Variants in COG5 observed in about 807,000 individuals in gnomAD.
COG5 encodes component of oligomeric golgi complex 5.
COG5 carries 86 observed loss-of-function variants against 110.4 expected under a neutral mutation model. The observed-to-expected ratio is 0.78, with a 90% CI of 0.65 to 0.93. COG5 has a LOEUF of 0.93. COG5 is among the 40% of genes least tolerant of loss of function. The probability of loss-of-function intolerance (pLI) is 0.00; values close to 1 mark genes in which losing one functional copy is unlikely to be tolerated. For missense variants in COG5, 1,077 were observed against 987.0 expected, an observed-to-expected ratio of 1.09 and a Z score of -1.22; for synonymous variants, 360 against 334.6, an observed-to-expected ratio of 1.08 and a Z score of -0.83.
chr7:107,230,777 C>T (rs1422726950), intron 18 of COG5, 86 bp from the exon 19 acceptor site: 2 of 1,055,324 alleles, frequency 1.9e-6, no homozygotes, highest in South Asian at 1.3e-5. Context: ...AAAGTTGTAG[C>T]TTGCAGTAAA....
chr7:107,387,994 T>C (rs1382527498), intron 7 of COG5, among the ~76,000 whole-genome samples: 6 of 152,256 alleles, frequency 3.9e-5, no homozygotes, highest in South Asian at 2.1e-4. Flanking sequence ...GCCTGGCCCA[T>C]TGGCTTATGG....
At chr7:107,346,116 A>C (rs558242852) in intron 10 of COG5, among the ~76,000 whole-genome samples, 1 of 152,208 alleles carries the variant, frequency 6.6e-6, no homozygotes, top group Admixed American at 6.5e-5. Context: ...TGAAAAATTC[A>C]TAACTGATTG....
rs927055005 is a variant in COG5 at position 107,203,250 on chromosome 7, A to T, written c.*266T>A. ...AGGAGGACTTGGTTATGGATGGGAA[A>T]GACATTTTAGCCTTGTACAAAAATC... is the stretch of plus-strand genomic sequence containing the variant. On this transcript the variant is annotated 3_prime_UTR_variant, in exon 22 of 22. Coordinates refer to ENST00000297135, the MANE Select transcript of COG5 (RefSeq NM_006348.5). The T allele has an allele frequency of 9.2e-5, 44 of 479,382 alleles. No individual in the cohort carries two copies. Among genetic ancestry groups the T allele is most frequent in the Non-Finnish European group, 1.5e-5 (4 of 263,710 alleles). 29.7% of individuals were successfully genotyped at this position (479,382 alleles called of 1,614,324 possible).
In COG5 at chr7:107,360,741, G is replaced by A. The variant is rs574919333; in HGVS notation, c.1026+1292C>T. On this transcript the variant is annotated intron_variant, in intron 10 of 21. Coordinates refer to ENST00000297135, the MANE Select transcript of COG5 (RefSeq NM_006348.5). Reference sequence around the variant, plus strand: ...GCTGCCTGCCCTGCCACAGCAGCCAGTGTGCCTGGCTGTGCACAGTGGCTG... The same window carrying A: ...GCTGCCTGCCCTGCCACAGCAGCCAATGTGCCTGGCTGTGCACAGTGGCTG... Among the ~76,000 whole-genome samples, 885 of 152,352 alleles carry A rather than the reference G, an allele frequency of 5.8e-3. 11 individuals are homozygous for A. The highest frequency in any genetic ancestry group is 0.02 in the African/African-American group (851 of 41,574).
At position 107,526,082 on chromosome 7, in the gene COG5, C is replaced by CA. The variant is rs562074848; in HGVS notation, c.538+1154dup. On this transcript the variant is annotated intron_variant, in intron 6 of 21. Coordinates refer to ENST00000297135, the MANE Select transcript of COG5 (RefSeq NM_006348.5). ...TTACAGCATAGCATGACTATATAAT[C>CA]AAAAAATCAAAGACAGGAAAATTCA... 1.4e-3 allele frequency among the ~76,000 whole-genome samples: 218 copies of CA among 152,198 alleles called. 2 individuals carry two copies. Among genetic ancestry groups the CA allele is most frequent in the African/African-American group, 5.1e-3 (210 of 41,520 alleles).
intron 11 of COG5, among the ~76,000 whole-genome samples, chr7:107,310,014 G>C (rs1370704322): frequency 1.3e-5 from 2 of 152,148 alleles, no homozygotes; most frequent in Non-Finnish European, 2.9e-5. Flanking sequence ...GTAAACAAAA[G>C]TGTACTATAC....
chr7:107,295,093 A>T (rs1482476664), intron 12 of COG5, among the ~76,000 whole-genome samples: 1 of 77,162 alleles, frequency 1.3e-5, no homozygotes, highest in African/African-American at 5.2e-5. Flanking sequence ...ATATATATAT[A>T]TATATATATT....
chr7:107,381,694 C>T (rs531553345), intron 7 of COG5, among the ~76,000 whole-genome samples: 8 of 152,126 alleles, frequency 5.3e-5, no homozygotes, highest in Admixed American at 1.3e-4. Context: ...ACAAGACTCA[C>T]GAAGAGCTAA....
rs148251297 is a variant in COG5 at position 107,235,273 on chromosome 7, C to T, written c.2091+1177G>A. Among the ~76,000 whole-genome samples, 564 of 152,340 alleles carry T rather than the reference C, an allele frequency of 3.7e-3. 2 individuals are homozygous for T. The highest frequency in any genetic ancestry group is 7.1e-3 in the Admixed American group (108 of 15,302). On this transcript the variant is annotated intron_variant, in intron 18 of 21. Transcript: ENST00000297135. ...TGTAGAAATAATGAAGCAAGACACACTCCCGGATACACACAAGAATAAATA... is the reference window on the plus strand; with the variant it reads ...TGTAGAAATAATGAAGCAAGACACATTCCCGGATACACACAAGAATAAATA...
intron 18 of COG5, among the ~76,000 whole-genome samples, chr7:107,232,190 G>A (rs867619507): frequency 9.8e-5 from 15 of 152,290 alleles, no homozygotes; most frequent in Middle Eastern, 3.4e-3. Flanking sequence ...GAAGAAAAAG[G>A]ATTCTTGCCA....
At chr7:107,496,978 C>T (rs1233755509) in intron 6 of COG5, among the ~76,000 whole-genome samples, 5 of 151,984 alleles carry the variant, frequency 3.3e-5, no homozygotes. Context: ...TGCAAGCAAA[C>T]ATAGGAGAAT....
At chr7:107,343,459 T>C (rs1260495228) in intron 10 of COG5, among the ~76,000 whole-genome samples, 3 of 152,160 alleles carry the variant, frequency 2.0e-5, no homozygotes, top group African/African-American at 7.2e-5. Flanking sequence ...GGCTGGCAGA[T>C]TGCTTGAGCT....
chr7:107,555,975 T>G (rs2129178100), intron 2 of COG5, among the ~76,000 whole-genome samples: 1 of 151,316 alleles, frequency 6.6e-6, no homozygotes, highest in East Asian at 1.9e-4. Context: ...ATCGTGCCAC[T>G]TATACACCAG....
intron 6 of COG5, among the ~76,000 whole-genome samples, chr7:107,506,778 G>T (rs1386452135): frequency 6.6e-6 from 1 of 152,144 alleles, no homozygotes; most frequent in East Asian, 1.9e-4. Context: ...CACAGCTGGG[G>T]CACCCAGCTC....
intron 14 of COG5, among the ~76,000 whole-genome samples, chr7:107,270,510 C>A (rs1804168314): frequency 6.6e-6 from 1 of 152,154 alleles, no homozygotes; most frequent in African/African-American, 2.4e-5. Context: ...ATCCACCTGC[C>A]TTGGCCTCTC....
chr7:107,501,239 T>C (rs926516036), intron 6 of COG5, among the ~76,000 whole-genome samples: 7 of 151,986 alleles, frequency 4.6e-5, no homozygotes, highest in African/African-American at 1.7e-4. Context: ...TTATTAGTAA[T>C]ATATACTAGA....
chr7:107,470,668 A>T lies in COG5; in HGVS notation c.538+56569T>A, dbSNP rs557682677. On this transcript the variant is annotated intron_variant, in intron 6 of 21. Coordinates refer to ENST00000297135, the MANE Select transcript of COG5 (RefSeq NM_006348.5). ...AATATTCTTTGTAAATTCATTATGA[A>T]GACAGCTTTTGAGTCACTTCAGATA... is the stretch of plus-strand genomic sequence containing the variant. 9.2e-5 allele frequency among the ~76,000 whole-genome samples: 14 copies of T among 152,242 alleles called. No individual in the cohort carries two copies. The East Asian group carries it at 2.5e-3, about 27-fold the overall frequency.
chr7:107,337,073 A>G (rs1286099609), intron 10 of COG5, among the ~76,000 whole-genome samples: 1 of 152,244 alleles, frequency 6.6e-6, no homozygotes, highest in African/African-American at 2.4e-5. Flanking sequence ...ATCATCAGGG[A>G]AATGCAAATC....
chr7:107,211,173 C>T lies in COG5; in HGVS notation c.2221G>A (p.Asp741Asn), dbSNP rs114023726. ...EHVASSPALG[D>N]VIPFSIIIQF... ...ATAATGATGCTGAACGGAATCACAT[C>T]CCCCAATGCAGGACTACTGGCTACA... Residue 741 changes from aspartate to asparagine, a missense_variant, in exon 20 of 22, where the codon GAT becomes AAT. Physicochemically the swap from Asp to Asn is conservative, Grantham distance 23. Transcript: ENST00000297135. 1.9e-6 allele frequency: 3 copies of T among 1,613,746 alleles called. No homozygotes were observed. Among genetic ancestry groups the T allele is most frequent in the Non-Finnish European group, 2.5e-6 (3 of 1,179,840 alleles).
Sources: gnomAD v4.1 joint callset for allele counts (sites outside exome capture counted in the v4.1 genomes callset) on GRCh38, gnomAD v4.1.1 for gene constraint, MANE v1.5 for transcripts, NCBI Gene and HGNC (gene_info 2026-07-23, HGNC 2026-07-21) for gene names.